Variants in PCLO observed in about 807,000 individuals in gnomAD.
The protein encoded by PCLO is protein piccolo.
Under a neutral mutation model 427.5 loss-of-function variants are expected in PCLO, and 82 were observed. That is an observed-to-expected ratio of 0.19 (90% CI 0.16 to 0.23). The LOEUF is 0.23. PCLO is among the 10% of genes least tolerant of loss of function. The pLI, the probability that PCLO is intolerant of heterozygous loss-of-function variation, is 1.00. For synonymous variants in PCLO, 2,357 were observed against 2,155.4 expected (o/e 1.09, Z -2.59); for missense variants, 6,239 against 6,115.9 (o/e 1.02, Z -0.67).
At chr7:82,962,384 C>G (rs1469027124) in intron 4 of PCLO, among the ~76,000 whole-genome samples, 2 of 151,952 alleles carry the variant, frequency 1.3e-5, no homozygotes, top group Non-Finnish European at 2.9e-5. Context: ...TATGTGGAAT[C>G]AATATAGTGA....
chr7:82,961,537 G>T (rs1255994636), intron 4 of PCLO, among the ~76,000 whole-genome samples: 1 of 152,196 alleles, frequency 6.6e-6, no homozygotes, highest in African/African-American at 2.4e-5. Context: ...TACCCTGGAA[G>T]CTATCTATGC....
chr7:83,027,770 G>GCTT (rs1005271599), intron 3 of PCLO, among the ~76,000 whole-genome samples: 10 of 112,564 alleles, frequency 8.9e-5, no homozygotes, highest in African/African-American at 3.3e-4. Flanking sequence ...GATCAAGTGG[G>GCTT]CTTCATCCCT....
intron 22 of PCLO, among the ~76,000 whole-genome samples, chr7:82,793,244 G>A (rs770861005): frequency 6.6e-6 from 1 of 152,116 alleles, no homozygotes; most frequent in Non-Finnish European, 1.5e-5. Flanking sequence ...ACAAGGAAGA[G>A]TCACATTCTA....
chr7:82,910,868 C>G (rs1229243159), intron 7 of PCLO, among the ~76,000 whole-genome samples: 2 of 152,076 alleles, frequency 1.3e-5, no homozygotes, highest in Non-Finnish European at 2.9e-5. Context: ...AATCATTAGT[C>G]TCTTAAAATC....
intron 2 of PCLO, among the ~76,000 whole-genome samples, chr7:83,148,014 T>C (rs1792036938): frequency 6.6e-6 from 1 of 152,212 alleles, no homozygotes; most frequent in African/African-American, 2.4e-5. Context: ...TATCTGTTTT[T>C]AGGAATAGAA....
At chr7:82,970,051 C>A (rs936258856) in intron 3 of PCLO, among the ~76,000 whole-genome samples, 7 of 151,994 alleles carry the variant, frequency 4.6e-5, no homozygotes, top group Non-Finnish European at 8.8e-5. Context: ...GGCCTTATTT[C>A]ATTCACATTG....
chr7:82,952,035 T>G lies in PCLO; in HGVS notation c.8918A>C (p.His2973Pro), dbSNP rs1562877967. ...PEDRFGYRDDHYQYDRSGPYG... is the reference protein window; with the variant it reads ...PEDRFGYRDDPYQYDRSGPYG... ...TGGCCCTGATCGATCATACTGATAG[T>G]GGTCATCCCTATAACCAAAACGATC... The change falls in exon 5 of 25, where the codon CAC (histidine) becomes CCC (proline). Residue 2973 changes from histidine to proline, a missense_variant. Physicochemically the swap from His to Pro is moderately conservative, Grantham distance 77. This residue lies in a region of PCLO where 4,677 missense variants were observed against 4,468.4 expected (regional missense o/e 1.05). Coordinates refer to ENST00000333891, the MANE Select transcript of PCLO (RefSeq NM_033026.6). 6.2e-7 allele frequency: 1 copy of G among 1,613,962 alleles called. No individual in the cohort carries two copies. The highest frequency in any genetic ancestry group is 2.2e-5 in the East Asian group (1 of 44,874).
intron 3 of PCLO, among the ~76,000 whole-genome samples, chr7:83,003,913 G>A (rs1300687207): frequency 6.6e-6 from 1 of 151,188 alleles, no homozygotes; most frequent in Admixed American, 6.6e-5. Context: ...GTTTGAGAAG[G>A]ATTTGTATTA....
chr7:82,990,213 CAG>C (rs1365663901), intron 3 of PCLO, among the ~76,000 whole-genome samples: 1 of 152,062 alleles, frequency 6.6e-6, no homozygotes, highest in Non-Finnish European at 1.5e-5. Flanking sequence ...GAGGATCTAG[CAG>C]AGTTTTACAT....
intron 3 of PCLO, among the ~76,000 whole-genome samples, chr7:83,133,191 A>G (rs1791618194): frequency 6.6e-6 from 1 of 152,072 alleles, no homozygotes; most frequent in African/African-American, 2.4e-5. Flanking sequence ...ACTCAAGAAC[A>G]CCACCAAAAA....
chr7:82,800,986 C>T (rs1235726874), intron 22 of PCLO, among the ~76,000 whole-genome samples: 3 of 151,666 alleles, frequency 2.0e-5, no homozygotes, highest in Admixed American at 1.3e-4. Context: ...GGATTTTTCA[C>T]ATTTGGTAAT....
At chr7:83,093,490 A>ATT (rs1339244676) in intron 3 of PCLO, among the ~76,000 whole-genome samples, 1,532 of 65,826 alleles carry the variant, frequency 0.023, 54 homozygotes, top group Non-Finnish European at 0.032. Flanking sequence ...ATATATATAT[A>ATT]TATTTTTTTT....
intron 4 of PCLO, among the ~76,000 whole-genome samples, chr7:82,957,785 T>TAAAC (rs1029449039): frequency 1.3e-5 from 2 of 152,234 alleles, no homozygotes; most frequent in African/African-American, 4.8e-5. Flanking sequence ...AATCTTGTTT[T>TAAAC]ATCTTGAAAA....
At chr7:82,879,167 A>G (rs533657534) in intron 10 of PCLO, among the ~76,000 whole-genome samples, 170 bp downstream of exon 10, 8 of 152,318 alleles carry the variant, frequency 5.3e-5, no homozygotes, top group Non-Finnish European at 1.0e-4. Flanking sequence ...TAAAATGAAT[A>G]TATTTGTGGA....
chr7:82,811,604 G>T (rs17212432), intron 20 of PCLO, among the ~76,000 whole-genome samples: 66,880 of 151,272 alleles, frequency 0.44, 16,438 homozygotes, highest in East Asian at 0.85. Context: ...CAGTTCAGGG[G>T]TTCTAGTTTA....
intron 3 of PCLO, among the ~76,000 whole-genome samples, chr7:83,058,740 G>A (rs1789465055): frequency 6.6e-6 from 1 of 151,980 alleles, no homozygotes; most frequent in Admixed American, 6.6e-5. Context: ...AGTTCATAAC[G>A]TCGGTGTGTA....
At chr7:83,092,869 T>C (rs6467928) in intron 3 of PCLO, among the ~76,000 whole-genome samples, 65,273 of 147,566 alleles carry the variant, frequency 0.44, 14,656 homozygotes, top group East Asian at 0.7. Flanking sequence ...ATCACTTGAG[T>C]GTGGGAGGCA....
intron 22 of PCLO, among the ~76,000 whole-genome samples, chr7:82,792,708 C>T (rs1223454536): frequency 6.6e-6 from 1 of 152,138 alleles, no homozygotes; most frequent in Non-Finnish European, 1.5e-5. Context: ...TTACCGAACT[C>T]ATAGTCAAAT....
chr7:82,805,283 A>G (rs1395126940), intron 21 of PCLO, among the ~76,000 whole-genome samples: 2 of 152,188 alleles, frequency 1.3e-5, no homozygotes, highest in Admixed American at 6.5e-5. Context: ...AATATGATAT[A>G]TGGATTCTTT....
Sources: gnomAD v4.1 joint callset for allele counts (sites outside exome capture counted in the v4.1 genomes callset) on GRCh38, gnomAD v4.1.1 for gene constraint, gnomAD v4.1.1 regional missense constraint, MANE v1.5 for transcripts, NCBI Gene and HGNC (gene_info 2026-07-23, HGNC 2026-07-21) for gene names.